PAPSS1: variants seen among roughly 807,000 people sequenced by gnomAD.
PAPSS1 encodes bifunctional 3'-phosphoadenosine 5'-phosphosulfate synthase 1.
In PAPSS1, 50 loss-of-function variants were observed where a neutral mutation model predicts 72.0. The observed-to-expected ratio is 0.69, with a 90% CI of 0.55 to 0.88. The LOEUF (loss-of-function observed/expected upper bound fraction) is 0.88, where lower values mean the gene tolerates loss of function less well. PAPSS1 is among the 40% of genes least tolerant of loss of function. The probability of loss-of-function intolerance (pLI) is 0.00; values close to 1 mark genes in which losing one functional copy is unlikely to be tolerated. For synonymous variants in PAPSS1, 261 were observed against 263.6 expected (o/e 0.99, Z 0.09); for missense variants, 657 against 782.2 (o/e 0.84, Z 1.91).
intron 7 of PAPSS1, among the ~76,000 whole-genome samples, chr4:107,655,703 A>G (rs1191227764): frequency 6.6e-6 from 1 of 152,224 alleles, no homozygotes; most frequent in East Asian, 1.9e-4. Context: ...CAACGAGAGT[A>G]ATGATAACTG....
intron 2 of PAPSS1, among the ~76,000 whole-genome samples, chr4:107,699,066 A>C (rs1332600736): frequency 6.6e-6 from 1 of 152,190 alleles, no homozygotes; most frequent in African/African-American, 2.4e-5. Flanking sequence ...GTACCAAAAA[A>C]TCAGATAAGC....
chr4:107,661,612 G>A (rs995740216), intron 5 of PAPSS1, among the ~76,000 whole-genome samples: 1 of 152,122 alleles, frequency 6.6e-6, no homozygotes, highest in African/African-American at 2.4e-5. Flanking sequence ...CCAACTACAT[G>A]ATGCCAATTT....
At chr4:107,628,810 C>T (rs998362408) in intron 11 of PAPSS1, among the ~76,000 whole-genome samples, 1 of 152,186 alleles carries the variant, frequency 6.6e-6, no homozygotes, top group Non-Finnish European at 1.5e-5. Context: ...TGTCCACTGC[C>T]TTTATTCCAG....
intron 11 of PAPSS1, among the ~76,000 whole-genome samples, chr4:107,626,240 T>C (rs1469046506): frequency 1.3e-5 from 2 of 150,060 alleles, no homozygotes; most frequent in East Asian, 3.9e-4. Flanking sequence ...CTACTGAAAA[T>C]GTGGAAATAA....
intron 1 of PAPSS1, among the ~76,000 whole-genome samples, chr4:107,703,889 T>A (rs1723270872): frequency 6.6e-6 from 1 of 151,742 alleles, no homozygotes; most frequent in Non-Finnish European, 1.5e-5. Context: ...CTGTGAAGAA[T>A]CCTTGGAATT....
In PAPSS1 at chr4:107,654,735, C is replaced by A. The variant is rs748978019; in HGVS notation, c.1061G>T (p.Arg354Ile). The change falls in exon 8 of 12, where the codon AGA (arginine) becomes ATA (isoleucine). Residue 354 changes from arginine to isoleucine, a missense_variant. By Grantham distance (97) the Arg-to-Ile change is moderately conservative. Transcript: ENST00000265174. ...GTTCTTGCATGTCGTTCCCCACTGT[C>A]TGGCACAGCGCTCCTCTTTCCTGTG... ...FEHRKEERCARQWGTTCKNHP... is the reference protein window; with the variant it reads ...FEHRKEERCAIQWGTTCKNHP... The A allele has an allele frequency of 6.8e-6, 11 of 1,613,520 alleles. No individual in the cohort carries two copies. The Admixed American group carries it at 1.8e-4, about 27-fold the overall frequency.
chr4:107,621,879 G>C (rs7666021), intron 11 of PAPSS1, among the ~76,000 whole-genome samples: 6,606 of 151,586 alleles, frequency 0.044, 456 homozygotes, highest in African/African-American at 0.15. Context: ...CCACCCGCCT[G>C]AGCCTCCCAA....
chr4:107,621,608 C>CTTTTTTTTTTTTTTT lies in PAPSS1; in HGVS notation c.1737-7236_1737-7222dup, dbSNP rs10670438. Among the ~76,000 whole-genome samples, 135 of 48,152 alleles carry CTTTTTTTTTTTTTTT rather than the reference C, an allele frequency of 2.8e-3. 24 individuals carry two copies. Among genetic ancestry groups the CTTTTTTTTTTTTTTT allele is most frequent in the East Asian group, 6.1e-3 (8 of 1,322 alleles). 31.6% of individuals were successfully genotyped at this position (48,152 alleles called of 152,430 possible). A position where few individuals can be genotyped will look rare whatever the true frequency, so the allele number is the denominator to read the frequency against. On this transcript the variant is annotated intron_variant, in intron 11 of 11. Coordinates refer to ENST00000265174, the MANE Select transcript of PAPSS1 (RefSeq NM_005443.5). ...CTTTCTAGGAAGACAGGTTTTTTAT[C>CTTTTTTTTTTTTTTT]TTTTTTTTTTTTTTTTTTTTTTTTT...
Position 107,693,860 on chromosome 4 carries a change from C to A in PAPSS1, c.322G>T (p.Glu108Ter), listed in dbSNP as rs776600204. 1 of 1,613,958 alleles carries A rather than the reference C, an allele frequency of 6.2e-7. No homozygotes were observed. The highest frequency in any genetic ancestry group is 1.1e-5 in the South Asian group (1 of 91,084). The change falls in exon 3 of 12, where the codon GAG (glutamate) becomes TAG (stop). Residue 108 changes from glutamate (E) to a stop codon, truncating the protein, a stop_gained. Transcript: ENST00000265174. LOFTEE classifies it high-confidence loss of function. Reference protein sequence around the residue: ...NLGFSPEDREENVRRIAEVAK... With the variant: ...NLGFSPEDRE ...ACTTCTGCGATGCGTCGAACATTCT[C>A]TTCTCTGTCTTCAGGACTAAAGCCA...
At chr4:107,672,792 C>T (rs538780026) in intron 5 of PAPSS1, among the ~76,000 whole-genome samples, 1 of 152,336 alleles carries the variant, frequency 6.6e-6, no homozygotes, top group East Asian at 1.9e-4. Context: ...ACCCCCAAGC[C>T]TAACTGGGAG....
chr4:107,693,032 T>C (rs1440355432), intron 3 of PAPSS1, among the ~76,000 whole-genome samples: 1 of 152,134 alleles, frequency 6.6e-6, no homozygotes, highest in Non-Finnish European at 1.5e-5. Context: ...GAATAGCTAA[T>C]GGATGCTGGG....
chr4:107,617,111 T>C (rs1725843863), intron 11 of PAPSS1, among the ~76,000 whole-genome samples: 2 of 152,130 alleles, frequency 1.3e-5, no homozygotes, highest in Non-Finnish European at 2.9e-5. Flanking sequence ...CTTAGTGATC[T>C]AGGTGGTATA....
At chr4:107,648,667 A>G (rs954226283) in intron 9 of PAPSS1, among the ~76,000 whole-genome samples, 4 of 152,172 alleles carry the variant, frequency 2.6e-5, no homozygotes, top group African/African-American at 9.7e-5. Context: ...CTGCCTCTCT[A>G]CGGTAAAGCT....
chr4:107,632,643 C>G lies in PAPSS1; in HGVS notation c.1507-783G>C, dbSNP rs546172655. Among the ~76,000 whole-genome samples the G allele has an allele frequency of 2.0e-5, 3 of 152,074 alleles. No individual in the cohort carries two copies. In the South Asian group the frequency reaches 6.2e-4, roughly 32 times the overall value. On this transcript the variant is annotated intron_variant, in intron 10 of 11. Coordinates refer to ENST00000265174, the MANE Select transcript of PAPSS1 (RefSeq NM_005443.5). Reference sequence around the variant, plus strand: ...TAGTCTAATACCTAGAATAATGAAACTTTAGAATTTAAAGTGACAGTAAAA... The same window carrying G: ...TAGTCTAATACCTAGAATAATGAAAGTTTAGAATTTAAAGTGACAGTAAAA...
intron 10 of PAPSS1, among the ~76,000 whole-genome samples, chr4:107,635,055 C>T (rs1322046649): frequency 2.0e-5 from 3 of 152,088 alleles, no homozygotes; most frequent in Non-Finnish European, 4.4e-5. Context: ...GCCTTGGCCT[C>T]CCAAAGTGCC....
At chr4:107,617,677 T>C (rs988881686) in intron 11 of PAPSS1, among the ~76,000 whole-genome samples, 3 of 152,202 alleles carry the variant, frequency 2.0e-5, no homozygotes, top group Non-Finnish European at 4.4e-5. Flanking sequence ...AACTCTCATC[T>C]TCTTAGGTAA....
chr4:107,616,184 G>C (rs1725819400), intron 11 of PAPSS1, among the ~76,000 whole-genome samples: 1 of 151,902 alleles, frequency 6.6e-6, no homozygotes, highest in Admixed American at 6.6e-5. Flanking sequence ...AATGTTAACA[G>C]TGGTTATTTC....
chr4:107,672,692 C>A lies in PAPSS1; in HGVS notation c.669+9323G>T, dbSNP rs551128447. On this transcript the variant is annotated intron_variant, in intron 5 of 11. Transcript: ENST00000265174. ...CAGAAACCTCTGCAGACTTAAACGT[C>A]CCTGTCTGACAGCTTTGAAGAGAGT... Among the ~76,000 whole-genome samples, 6 of 152,332 alleles carry A rather than the reference C, an allele frequency of 3.9e-5. No individual in the cohort carries two copies. In the South Asian group the frequency reaches 1.2e-3, roughly 32 times the overall value.
At chr4:107,695,924 A>C (rs1402375955) in intron 2 of PAPSS1, among the ~76,000 whole-genome samples, 4 of 152,220 alleles carry the variant, frequency 2.6e-5, no homozygotes, top group Admixed American at 6.5e-5. Flanking sequence ...ATATGAACAG[A>C]CACTTCTCAA....
Sources: gnomAD v4.1 joint callset for allele counts (sites outside exome capture counted in the v4.1 genomes callset) on GRCh38, gnomAD v4.1.1 for gene constraint, MANE v1.5 for transcripts, NCBI Gene and HGNC (gene_info 2026-07-23, HGNC 2026-07-21) for gene names.